Variants in RBBP8NL observed in about 807,000 individuals in gnomAD.
The protein encoded by RBBP8NL is RBBP8 N-terminal-like protein.
Under a neutral mutation model 62.2 loss-of-function variants are expected in RBBP8NL, and 59 were observed. The ratio of observed to expected loss-of-function variants is 0.95; its 90% confidence interval spans 0.77 to 1.18. The LOEUF (loss-of-function observed/expected upper bound fraction) is 1.18, where lower values mean the gene tolerates loss of function less well. RBBP8NL is among the 50% of genes most tolerant of loss of function. RBBP8NL has a pLI of 0.00. For synonymous variants in RBBP8NL, 412 were observed against 394.1 expected (o/e 1.05, Z -0.54); for missense variants, 896 against 899.5 (o/e 1.00, Z 0.05).
intron 7 of RBBP8NL, 52 bp from the exon 8 acceptor site, chr20:62,415,712 G>T: frequency 6.2e-7 from 1 of 1,609,948 alleles, no homozygotes; most frequent in Non-Finnish European, 8.5e-7. Flanking sequence ...CAGAGGGGCA[G>T]CGGCCCAGCC....
chr20:62,415,405 G>A lies in RBBP8NL; in HGVS notation c.628-118C>T, dbSNP rs961736272. On this transcript the variant is annotated intron_variant, in intron 8 of 13. Transcript: ENST00000252998. Reference sequence around the variant, plus strand: ...CCACTCTGCCCCTGCTCACTGCTGAGCTGCACCCCCACCCACGCCAAATGG... The same window carrying A: ...CCACTCTGCCCCTGCTCACTGCTGAACTGCACCCCCACCCACGCCAAATGG... 2.2e-6 allele frequency: 3 copies of A among 1,393,504 alleles called. No individual in the cohort carries two copies. The African/African-American group carries it at 4.3e-5, about 20-fold the overall frequency. The allele number at this position is 1,393,504 out of a possible 1,614,324, so 86.3% of individuals were successfully genotyped here.
In RBBP8NL at chr20:62,413,980, C is replaced by T. The variant is rs1988497911; in HGVS notation, c.1371G>A (p.Lys457=). The change falls in exon 10 of 14, where the codon AAG becomes AAA. Residue 457 remains lysine (K), a synonymous_variant. Coordinates refer to ENST00000252998, the MANE Select transcript of RBBP8NL (RefSeq NM_080833.3). ...WGRARGQDTP[K]PAGQHGSLSP... is the part of the protein sequence containing the mutation. ...TGAGTGACCCATGCTGGCCGGCCGG[C>T]TTGGGAGTGTCCTGGCCCCGGGCCC... 3.8e-6 allele frequency: 6 copies of T among 1,572,036 alleles called. No individual in the cohort carries two copies. The highest frequency in any genetic ancestry group is 5.2e-6 in the Non-Finnish European group (6 of 1,160,084).
At position 62,425,595 on chromosome 20, in the gene RBBP8NL, C is replaced by G. The variant is rs563477669; in HGVS notation, c.-84+1865G>C. 3.9e-5 allele frequency among the ~76,000 whole-genome samples: 6 copies of G among 152,350 alleles called. No individual in the cohort carries two copies. In the East Asian group the frequency reaches 1.2e-3, roughly 29 times the overall value. On this transcript the variant is annotated intron_variant, in intron 1 of 13. Transcript: ENST00000252998. ...CCCTGTCCTCTGGGAGGCCGGGCCC[C>G]CTGAGCTCCTCTGCTGTCTGAGCAG...
In RBBP8NL at chr20:62,413,510, G is replaced by A. The variant is rs1454141793; in HGVS notation, c.1566C>T (p.Ser522=). ...CTTCTGTACTGCCTGGAGAGGACAG[G>A]CTGAGCTGGGACCCTGGAAGTGGGC... ...PSRPLPGSQL[S]LSSPGSTEDE... Residue 522 remains serine (S), a synonymous_variant, in exon 11 of 14, where the codon AGC becomes AGT. Transcript: ENST00000252998. 3 of 1,521,972 alleles carry A rather than the reference G, an allele frequency of 2.0e-6. No homozygotes were observed. The highest frequency in any genetic ancestry group is 1.3e-5 in the South Asian group (1 of 77,042). 94.3% of individuals were successfully genotyped at this position (1,521,972 alleles called of 1,614,324 possible).
At chr20:62,425,529 G>T (rs1988785293) in intron 1 of RBBP8NL, among the ~76,000 whole-genome samples, 1 of 152,246 alleles carries the variant, frequency 6.6e-6, no homozygotes, top group Non-Finnish European at 1.5e-5. Context: ...ACTGGACATT[G>T]TCCGGCCGAG....
rs777361975 is a variant in RBBP8NL at position 62,410,904 on chromosome 20, TG to T, written c.1968del (p.Asn657ThrfsTer54). 1.2e-6 allele frequency: 2 copies of T among 1,613,006 alleles called. No individual in the cohort carries two copies. On this transcript the variant is annotated frameshift_variant, in exon 14 of 14. Coordinates refer to ENST00000252998, the MANE Select transcript of RBBP8NL (RefSeq NM_080833.3). LOFTEE classifies it high-confidence loss of function. ...PRDAEDHSPSPNSSPWEET is the reference protein window; with the variant it reads ...PRDAEDHSPSXNSSPWEET ...TAGGTCTCCTCCCAGGGGCTGCTGT[TG>T]GGGGAGGGACTGTGGTCCTCGGCGT...
rs531336123 is a variant in RBBP8NL, at chr20:62,414,107, C to G, written c.1244G>C (p.Arg415Pro). 1 of 1,593,386 alleles carries G rather than the reference C, an allele frequency of 6.3e-7. No homozygotes were observed. The highest frequency in any genetic ancestry group is 8.5e-7 in the Non-Finnish European group (1 of 1,171,972). The change falls in exon 10 of 14, where the codon CGG becomes CCG. Residue 415 changes from arginine (R) to proline (P), a missense_variant. Arg to Pro is a moderately radical substitution (Grantham distance 103). Transcript: ENST00000252998. Reference sequence around the variant, plus strand: ...GCCCGGGCCTGCAGGCTGTGTGTGCCGCCCTCCAGACAGGCCTGCTGCGGC... The same window carrying G: ...GCCCGGGCCTGCAGGCTGTGTGTGCGGCCCTCCAGACAGGCCTGCTGCGGC... Reference protein sequence around the residue: ...ALAAAGLSGGRHTQPAGPGRA... With the variant: ...ALAAAGLSGGPHTQPAGPGRA...
intron 1 of RBBP8NL, among the ~76,000 whole-genome samples, chr20:62,425,899 T>TGGCAGTGGCAC (rs1988791972): frequency 6.7e-6 from 1 of 149,552 alleles, no homozygotes; most frequent in Admixed American, 6.6e-5. Context: ...GGCAGTGGCA[T>TGGCAGTGGCAC]AGCAGTGGCA....
intron 2 of RBBP8NL, among the ~76,000 whole-genome samples, chr20:62,418,857 C>G (rs903897779): frequency 3.3e-5 from 5 of 152,192 alleles, no homozygotes; most frequent in Admixed American, 1.3e-4. Context: ...AGACCCTCTC[C>G]TTGCCGTATC....
In RBBP8NL at chr20:62,413,851, C is replaced by T. The variant is rs771453716; in HGVS notation, c.1500G>A (p.Val500=). ...ALSNGTKGTR[V]PEQEEASTPM... is the part of the protein sequence containing the mutation. ...GAGTGGAAGCCTCCTCCTGCTCTGGCACTCTGGTCCCCTTGGTGCCATTGC... is the reference window on the plus strand; with the variant it reads ...GAGTGGAAGCCTCCTCCTGCTCTGGTACTCTGGTCCCCTTGGTGCCATTGC... Residue 500 remains valine, a synonymous_variant, in exon 10 of 14, where the codon GTG becomes GTA. Coordinates refer to ENST00000252998, the MANE Select transcript of RBBP8NL (RefSeq NM_080833.3). 1.6e-5 allele frequency: 25 copies of T among 1,596,546 alleles called. No individual in the cohort carries two copies. In the South Asian group the frequency reaches 2.4e-4, roughly 15 times the overall value.
chr20:62,412,103 G>A (rs1042146423), intron 13 of RBBP8NL, among the ~76,000 whole-genome samples: 1 of 152,264 alleles, frequency 6.6e-6, no homozygotes, highest in African/African-American at 2.4e-5. Context: ...CTGGGTCCAA[G>A]GACACTGCCC....
At position 62,419,544 on chromosome 20, in the gene RBBP8NL, T is replaced by G. The variant is rs777019783; in HGVS notation, c.61+43A>C. ...TGCTCCGACCCTTAGGTGAGGGCTG[T>G]GGAGACCCCTCCCTAGCCTGGCATC... On this transcript the variant is annotated intron_variant, in intron 2 of 13. Transcript: ENST00000252998. 1.6e-5 allele frequency: 25 copies of G among 1,592,620 alleles called. No homozygotes were observed. In the South Asian group the frequency reaches 2.8e-4, roughly 18 times the overall value.
chr20:62,419,892 G>A (rs534710941), intron 1 of RBBP8NL, among the ~76,000 whole-genome samples, 162 bp from the exon 2 acceptor site: 1 of 152,288 alleles, frequency 6.6e-6, no homozygotes, highest in African/African-American at 2.4e-5. Context: ...GAACCCCACG[G>A]GCAGGCACAG....
rs570597276 is a variant in RBBP8NL, at chr20:62,424,510, T to C, written c.-84+2950A>G. On this transcript the variant is annotated intron_variant, in intron 1 of 13. Coordinates refer to ENST00000252998, the MANE Select transcript of RBBP8NL (RefSeq NM_080833.3). ...GAGGTGCTACTGGTGCCAGCACCTTTGCCTTCGGGGGACTGCTCCTTAAAA... is the reference window on the plus strand; with the variant it reads ...GAGGTGCTACTGGTGCCAGCACCTTCGCCTTCGGGGGACTGCTCCTTAAAA... 1.1e-4 allele frequency among the ~76,000 whole-genome samples: 16 copies of C among 152,236 alleles called. No homozygotes were observed. In the South Asian group the frequency reaches 3.1e-3, roughly 30 times the overall value.
In RBBP8NL at chr20:62,416,316, A is replaced by G; in HGVS notation, c.314-80T>C. ...GGGTGGGGTCGTCACAGCACCAGGG[A>G]AGCCCCTCAGCAGTGCCCCCAGCAC... On this transcript the variant is annotated intron_variant, in intron 5 of 13. Transcript: ENST00000252998. 1.0e-5 allele frequency: 13 copies of G among 1,301,596 alleles called. No homozygotes were observed. In the South Asian group the frequency reaches 1.6e-4, roughly 16 times the overall value. 80.6% of individuals were successfully genotyped at this position (1,301,596 alleles called of 1,614,324 possible).
intron 1 of RBBP8NL, among the ~76,000 whole-genome samples, chr20:62,424,760 C>G (rs2427332): frequency 0.67 from 101,876 of 151,834 alleles, 34,297 homozygotes; most frequent in African/African-American, 0.74. Flanking sequence ...GAGCCTGCAC[C>G]TGCCCTCCTA....
At position 62,412,770 on chromosome 20, in the gene RBBP8NL, G is replaced by A; in HGVS notation, c.1747-17C>T. ...CAGGCCCACCTGGGGAGAAGGGGGT[G>A]TGGTCACGAGGAGGACTGCCTCCTG... On this transcript the variant is annotated splice_polypyrimidine_tract_variant and intron_variant, in intron 12 of 13. Transcript: ENST00000252998. 6.2e-7 allele frequency: 1 copy of A among 1,612,896 alleles called. No individual in the cohort carries two copies. The highest frequency in any genetic ancestry group is 2.2e-5 in the East Asian group (1 of 44,886).
chr20:62,411,119 G>T (rs1174869362), intron 13 of RBBP8NL, 123 bp from the exon 14 acceptor site: 3 of 688,600 alleles, frequency 4.4e-6, no homozygotes, highest in Non-Finnish European at 5.2e-6. Flanking sequence ...GGGGAAGTTT[G>T]CTGGCCACCC....
At chr20:62,419,903 A>G (rs1452090443) in intron 1 of RBBP8NL, among the ~76,000 whole-genome samples, 173 bp from the exon 2 acceptor site, 1 of 152,156 alleles carries the variant, frequency 6.6e-6, no homozygotes, top group East Asian at 1.9e-4. Context: ...GCAGGCACAG[A>G]GATAGTACAT....
Sources: gnomAD v4.1 joint callset for allele counts (sites outside exome capture counted in the v4.1 genomes callset) on GRCh38, gnomAD v4.1.1 for gene constraint, MANE v1.5 for transcripts, NCBI Gene and HGNC (gene_info 2026-07-23, HGNC 2026-07-21) for gene names.